MCTP1: variants seen among roughly 807,000 people sequenced by gnomAD.
The protein encoded by MCTP1 is multiple C2 and transmembrane domain containing 1.
MCTP1 carries 69 observed loss-of-function variants against 120.6 expected under a neutral mutation model. The ratio of observed to expected loss-of-function variants is 0.57; its 90% CI spans 0.47 to 0.70. MCTP1 has a LOEUF of 0.70. MCTP1 is among the 30% of genes least tolerant of loss of function. The pLI is 0.00. For synonymous variants in MCTP1, 529 were observed against 493.1 expected, an observed-to-expected ratio of 1.07 and a Z score of -0.96; for missense variants, 1,203 against 1,248.8, an observed-to-expected ratio of 0.96 and a Z score of 0.55.
intron 17 of MCTP1, among the ~76,000 whole-genome samples, chr5:94,813,028 G>C (rs1159510807): frequency 6.6e-6 from 1 of 151,804 alleles, no homozygotes. Context: ...ACACCATTAA[G>C]AAAATGAAAA....
At chr5:94,852,683 C>T (rs1793981760) in intron 17 of MCTP1, among the ~76,000 whole-genome samples, 1 of 151,854 alleles carries the variant, frequency 6.6e-6, no homozygotes, top group African/African-American at 2.4e-5. Flanking sequence ...TCTTAGCTTG[C>T]AGACTATATT....
chr5:94,828,045 T>TTTTTGGAA (rs2153140346), intron 17 of MCTP1, among the ~76,000 whole-genome samples: 1 of 152,184 alleles, frequency 6.6e-6, no homozygotes, highest in African/African-American at 2.4e-5. Flanking sequence ...GGCATTCTGG[T>TTTTTGGAA]TTTTGGAATT....
chr5:94,986,563 GC>G (rs1385482014), intron 2 of MCTP1, among the ~76,000 whole-genome samples: 2 of 152,268 alleles, frequency 1.3e-5, no homozygotes, highest in East Asian at 3.9e-4. Context: ...AGGCTGGAGT[GC>G]AGTGGCACAA....
chr5:95,214,968 A>G (rs891231032), intron 1 of MCTP1, among the ~76,000 whole-genome samples: 1 of 152,138 alleles, frequency 6.6e-6, no homozygotes, highest in Non-Finnish European at 1.5e-5. Context: ...TACATATGTA[A>G]CAAACCTGCA....
At chr5:94,970,301 A>T (rs1581632719) in intron 2 of MCTP1, among the ~76,000 whole-genome samples, 1 of 151,964 alleles carries the variant, frequency 6.6e-6, no homozygotes, top group East Asian at 1.9e-4. Context: ...ATATGTATGG[A>T]TGTATTTGGG....
chr5:94,736,335 C>A (rs1306949033), intron 19 of MCTP1, among the ~76,000 whole-genome samples: 1 of 151,994 alleles, frequency 6.6e-6, no homozygotes, highest in Non-Finnish European at 1.5e-5. Context: ...TGAAAAAAAA[C>A]TAGCTGGGCT....
At chr5:95,037,866 C>CA (rs1562057242) in intron 1 of MCTP1, among the ~76,000 whole-genome samples, 1 of 151,954 alleles carries the variant, frequency 6.6e-6, no homozygotes, top group Admixed American at 6.6e-5. Flanking sequence ...AACTCTGTCT[C>CA]AAAAAAACAA....
At chr5:95,174,107 C>G (rs927424720) in intron 1 of MCTP1, among the ~76,000 whole-genome samples, 1 of 151,952 alleles carries the variant, frequency 6.6e-6, no homozygotes, top group African/African-American at 2.4e-5. Context: ...GCTATTACCT[C>G]TAGCACAGAA....
At chr5:95,261,460 TA>T (rs1758464242) in intron 1 of MCTP1, among the ~76,000 whole-genome samples, 1 of 152,252 alleles carries the variant, frequency 6.6e-6, no homozygotes, top group South Asian at 2.1e-4. Context: ...TTCTTTTCTG[TA>T]ATAAATGATT....
chr5:94,905,266 T>C (rs1382976498), intron 10 of MCTP1, among the ~76,000 whole-genome samples: 2 of 146,286 alleles, frequency 1.4e-5, no homozygotes, highest in Admixed American at 6.6e-5. Context: ...AAGTTCATAG[T>C]AGACAAGCAA....
chr5:95,023,983 G>A (rs1219255196), intron 1 of MCTP1: 5 of 348,092 alleles, frequency 1.4e-5, no homozygotes, highest in Admixed American at 7.7e-5. Context: ...TAGTGCCTTC[G>A]TCTATTTTGG....
chr5:94,756,834 T>C (rs964063904), intron 19 of MCTP1, among the ~76,000 whole-genome samples: 4 of 152,206 alleles, frequency 2.6e-5, no homozygotes, highest in Non-Finnish European at 5.9e-5. Flanking sequence ...TTGTATAGGA[T>C]TGTGCATGTT....
intron 12 of MCTP1, among the ~76,000 whole-genome samples, chr5:94,879,338 A>G (rs1360987919): frequency 1.3e-5 from 2 of 152,206 alleles, no homozygotes; most frequent in East Asian, 1.9e-4. Context: ...TTCATTATGT[A>G]AATTTTCATT....
At position 94,836,597 on chromosome 5, in the gene MCTP1, C is replaced by T. The variant is rs142542019; in HGVS notation, c.2436+31736G>A. Among the ~76,000 whole-genome samples the T allele has an allele frequency of 1.1e-4, 17 of 152,200 alleles. No individual in the cohort carries two copies. The East Asian group carries it at 3.1e-3, about 28-fold the overall frequency. Reference sequence around the variant, plus strand: ...CTGGAAGATTTATACTAAGAAATTCCCTTTCCCTAGTGATTGCATGATTTC... The same window carrying T: ...CTGGAAGATTTATACTAAGAAATTCTCTTTCCCTAGTGATTGCATGATTTC... On this transcript the variant is annotated intron_variant, in intron 17 of 22. Coordinates refer to ENST00000515393, the MANE Select transcript of MCTP1 (RefSeq NM_024717.7).
chr5:94,741,020 G>A (rs776838350), intron 19 of MCTP1, among the ~76,000 whole-genome samples: 2 of 152,208 alleles, frequency 1.3e-5, no homozygotes, highest in Non-Finnish European at 2.9e-5. Context: ...GAAGTTAGAG[G>A]AAGCTGGTGG....
intron 2 of MCTP1, among the ~76,000 whole-genome samples, chr5:94,961,333 G>T (rs1447475702): frequency 1.3e-5 from 2 of 152,080 alleles, no homozygotes; most frequent in Non-Finnish European, 2.9e-5. Context: ...ATGACAGGTT[G>T]ATGGGTGCAG....
At chr5:94,997,125 T>C (rs562793862) in intron 2 of MCTP1, among the ~76,000 whole-genome samples, 17 of 152,242 alleles carry the variant, frequency 1.1e-4, no homozygotes, top group African/African-American at 4.1e-4. Context: ...GAAAGTTCCA[T>C]GTACTTCCTG....
intron 1 of MCTP1, among the ~76,000 whole-genome samples, chr5:95,060,224 A>G (rs1447467770): frequency 1.3e-5 from 2 of 152,076 alleles, no homozygotes; most frequent in African/African-American, 4.8e-5. Flanking sequence ...TACTCCAGGT[A>G]CCTGGAGCTA....
At chr5:94,972,212 A>T (rs757925066) in intron 2 of MCTP1, among the ~76,000 whole-genome samples, 1 of 151,902 alleles carries the variant, frequency 6.6e-6, no homozygotes, top group Non-Finnish European at 1.5e-5. Context: ...AGGCCCCAGA[A>T]CTCTGGCTCA....
Sources: gnomAD v4.1 joint callset for allele counts (sites outside exome capture counted in the v4.1 genomes callset) on GRCh38, gnomAD v4.1.1 for gene constraint, MANE v1.5 for transcripts, NCBI Gene and HGNC (gene_info 2026-07-23, HGNC 2026-07-21) for gene names.